The following BOC variants were observed in gnomAD, a reference collection of about 807,000 sequenced individuals.
The protein encoded by BOC is brother of CDO.
In BOC, 76 loss-of-function variants were observed where a neutral mutation model predicts 112.0. That is an observed-to-expected ratio of 0.68 (90% CI 0.56 to 0.82). The LOEUF (loss-of-function observed/expected upper bound fraction) is 0.82, where lower values mean the gene tolerates loss of function less well. BOC is among the 40% of genes least tolerant of loss of function. The pLI is 0.00. For missense variants in BOC, 1,309 were observed against 1,511.7 expected, an observed-to-expected ratio of 0.87 and a Z score of 2.22; for synonymous variants, 580 against 599.8, an observed-to-expected ratio of 0.97 and a Z score of 0.48.
chr3:113,281,700 C>T (rs55681380), intron 15 of BOC, among the ~76,000 whole-genome samples: 6,965 of 152,194 alleles, frequency 0.046, 185 homozygotes, highest in African/African-American at 0.067. Context: ...GCATTATCTC[C>T]GTTTTGCAGA....
At chr3:113,251,128 G>A in intron 4 of BOC, 1 of 582,870 alleles carries the variant, frequency 1.7e-6, no homozygotes, top group South Asian at 2.2e-5. Flanking sequence ...GTGGGCCCCA[G>A]AGCAGGGCCG....
chr3:113,243,331 A>G (rs1944534266), intron 2 of BOC, among the ~76,000 whole-genome samples: 1 of 152,166 alleles, frequency 6.6e-6, no homozygotes, highest in Admixed American at 6.5e-5. Context: ...GAAGTCAACA[A>G]AATAATTAAC....
At chr3:113,264,984 A>T (rs994550752) in intron 4 of BOC, among the ~76,000 whole-genome samples, 1 of 152,202 alleles carries the variant, frequency 6.6e-6, no homozygotes, top group Non-Finnish European at 1.5e-5. Flanking sequence ...ACATGTTGGC[A>T]TCAGAACAGA....
At chr3:113,263,905 G>A (rs939858978) in intron 4 of BOC, among the ~76,000 whole-genome samples, 4 of 152,200 alleles carry the variant, frequency 2.6e-5, no homozygotes, top group African/African-American at 9.7e-5. Context: ...ATAGCCAAAA[G>A]GGTCTGTGCC....
At chr3:113,223,885 G>A (rs1443438584) in intron 2 of BOC, among the ~76,000 whole-genome samples, 1 of 152,212 alleles carries the variant, frequency 6.6e-6, no homozygotes, top group Non-Finnish European at 1.5e-5. Context: ...CTGCAGTGTG[G>A]TCCCTTTATC....
At chr3:113,282,922 G>A (rs77739869) in intron 15 of BOC, among the ~76,000 whole-genome samples, 5 of 152,132 alleles carry the variant, frequency 3.3e-5, no homozygotes, top group Non-Finnish European at 7.4e-5. Flanking sequence ...CATCTCACAT[G>A]TACTGTGTGT....
At chr3:113,251,184 T>C in intron 4 of BOC, 1 of 517,578 alleles carries the variant, frequency 1.9e-6, no homozygotes, top group East Asian at 3.2e-5. Flanking sequence ...AGGTGCACTG[T>C]CCCAACTGCT....
chr3:113,222,710 T>C (rs9874798), intron 2 of BOC, among the ~76,000 whole-genome samples: 1 of 132,762 alleles, frequency 7.5e-6, no homozygotes, highest in African/African-American at 2.7e-5. Context: ...CGCAGGGGGG[T>C]GCCCAGCTCA....
At chr3:113,236,832 T>G (rs1156910077) in intron 2 of BOC, among the ~76,000 whole-genome samples, 1 of 152,168 alleles carries the variant, frequency 6.6e-6, no homozygotes, top group Non-Finnish European at 1.5e-5. Context: ...GGAAGAAAAG[T>G]TTCATGACCC....
At position 113,286,915 on chromosome 3, in the gene BOC, AAAG is replaced by A. The variant is rs1342306854; in HGVS notation, c.*59_*61del. On this transcript the variant is annotated 3_prime_UTR_variant, in exon 20 of 20. Transcript: ENST00000682979. ...TATATTGTTTTTTTTTTAAAAAAAA[AAAG>A]AAGAAAAAAGAGACAGAGAAAATTG... The A allele has an allele frequency of 2.4e-5, 34 of 1,442,724 alleles. No individual in the cohort carries two copies. Among genetic ancestry groups the A allele is most frequent in the East Asian group, 1.5e-4 (6 of 39,858 alleles). The allele number at this position is 1,442,724 out of a possible 1,614,324, so 89.4% of individuals were successfully genotyped here. A position where few individuals can be genotyped will look rare whatever the true frequency, so the allele number is the denominator to read the frequency against.
Position 113,274,702 on chromosome 3 carries a change from C to A in BOC, c.1542+20C>A. ...CGCAAGGTATGGCCCTGGTGTGGGG[C>A]TGCTGCCTCCCCTGCACAGCCTTTC... is the stretch of plus-strand genomic sequence containing the variant. On this transcript the variant is annotated intron_variant, in intron 9 of 19. Coordinates refer to ENST00000682979, the MANE Select transcript of BOC (RefSeq NM_001378074.1). The surrounding 1 kb of genome is among the most constrained non-coding windows in gnomAD (Gnocchi z 4.8). 6.4e-7 allele frequency: 1 copy of A among 1,562,190 alleles called. No individual in the cohort carries two copies.
rs937505176 is a variant in BOC, at chr3:113,229,900, G to A, written c.-82+13626G>A. ...AGACACCTGCACTGGGATTCTCAAC[G>A]CTGGCTGCACATTACTATTTCCAGG... On this transcript the variant is annotated intron_variant, in intron 2 of 19. Transcript: ENST00000682979. Among the ~76,000 whole-genome samples the A allele has an allele frequency of 1.2e-4, 19 of 152,240 alleles. 1 individual carries two copies. The East Asian group carries it at 1.9e-3, about 15-fold the overall frequency.
chr3:113,265,995 C>G (rs1053947671), intron 4 of BOC, among the ~76,000 whole-genome samples: 1 of 152,186 alleles, frequency 6.6e-6, no homozygotes, highest in Non-Finnish European at 1.5e-5. Context: ...AGGCTTCTCA[C>G]CAGGAATTTA....
At chr3:113,272,829 C>A in intron 7 of BOC, 126 bp downstream of exon 7, 1 of 1,231,800 alleles carries the variant, frequency 8.1e-7, no homozygotes, top group Non-Finnish European at 1.1e-6. Flanking sequence ...GAGTGAGGAA[C>A]AGGCATGCTG....
intron 1 of BOC, among the ~76,000 whole-genome samples, 162 bp from the exon 2 acceptor site, chr3:113,216,025 G>A (rs931475831): frequency 2.4e-4 from 37 of 152,224 alleles, no homozygotes; most frequent in Admixed American, 1.4e-3. Context: ...GACATTTCGG[G>A]AGGCCTATGG....
At chr3:113,266,823 C>T (rs1365419981) in intron 4 of BOC, among the ~76,000 whole-genome samples, 2 of 152,190 alleles carry the variant, frequency 1.3e-5, no homozygotes, top group South Asian at 2.1e-4. Context: ...AACAGGGCTT[C>T]CTCCCCTGTG....
chr3:113,247,972 C>T (rs1167639201), intron 2 of BOC, among the ~76,000 whole-genome samples: 1 of 152,210 alleles, frequency 6.6e-6, no homozygotes, highest in Non-Finnish European at 1.5e-5. Flanking sequence ...AAAACATCCC[C>T]TTGTCCTATC....
intron 4 of BOC, among the ~76,000 whole-genome samples, chr3:113,258,874 T>TAA (rs75965326): frequency 6.6e-6 from 1 of 152,038 alleles, no homozygotes; most frequent in Non-Finnish European, 1.5e-5. Context: ...GGCTGAGATC[T>TAA]AAAAGGTGCC....
chr3:113,255,547 T>G (rs1946140290), intron 4 of BOC, among the ~76,000 whole-genome samples: 1 of 152,206 alleles, frequency 6.6e-6, no homozygotes, highest in Admixed American at 6.5e-5. Flanking sequence ...TAGCTGGAAA[T>G]AAAACAGGTG....
Sources: gnomAD v4.1 joint callset for allele counts (sites outside exome capture counted in the v4.1 genomes callset) on GRCh38, gnomAD v4.1.1 for gene constraint, Gnocchi (gnomAD v3.1) non-coding constraint, MANE v1.5 for transcripts, NCBI Gene and HGNC (gene_info 2026-07-23, HGNC 2026-07-21) for gene names.